PRKCB: variants seen among roughly 807,000 people sequenced by gnomAD.
PRKCB encodes the protein protein kinase C beta type.
Under a neutral mutation model 81.5 loss-of-function variants are expected in PRKCB, and 13 were observed. That is an observed-to-expected ratio of 0.16 (90% CI 0.10 to 0.25). The LOEUF is 0.25. PRKCB is among the 10% of genes least tolerant of loss of function. The pLI is 1.00. For missense variants in PRKCB, 509 were observed against 875.7 expected (o/e 0.58, Z 5.29); for synonymous variants, 335 against 321.4 (o/e 1.04, Z -0.45).
intron 2 of PRKCB, among the ~76,000 whole-genome samples, chr16:23,901,381 G>C (rs1177857360): frequency 6.6e-6 from 1 of 152,096 alleles, no homozygotes; most frequent in Non-Finnish European, 1.5e-5. Context: ...CCTGCTGCTT[G>C]ATTGGGAGTA....
intron 16 of PRKCB, among the ~76,000 whole-genome samples, chr16:24,194,049 G>C (rs1249408757): frequency 1.3e-5 from 2 of 152,096 alleles, no homozygotes; most frequent in Non-Finnish European, 2.9e-5. Context: ...AATTTTGGCT[G>C]GGTATAGTGG....
intron 2 of PRKCB, among the ~76,000 whole-genome samples, chr16:23,867,550 A>G (rs544902346): frequency 6.6e-6 from 1 of 152,300 alleles, no homozygotes; most frequent in South Asian, 2.1e-4. Flanking sequence ...TTTTTATTTC[A>G]ATCTACTAGA....
intron 2 of PRKCB, among the ~76,000 whole-genome samples, chr16:23,844,591 T>C (rs1294945387): frequency 6.6e-6 from 1 of 151,626 alleles, no homozygotes; most frequent in Non-Finnish European, 1.5e-5. Context: ...AACTGCAAGC[T>C]CCACCTCCCA....
At chr16:24,156,360 G>A (rs150886162) in intron 10 of PRKCB, among the ~76,000 whole-genome samples, 8 of 151,722 alleles carry the variant, frequency 5.3e-5, no homozygotes, top group Non-Finnish European at 8.8e-5. Context: ...CTGCAGCCTC[G>A]ATCTCCCATG....
chr16:24,129,723 A>G (rs1326395207), intron 9 of PRKCB, among the ~76,000 whole-genome samples: 3 of 151,984 alleles, frequency 2.0e-5, no homozygotes, highest in Non-Finnish European at 4.4e-5. Context: ...TCAATCAATC[A>G]ATCATCTATC....
intron 2 of PRKCB, among the ~76,000 whole-genome samples, chr16:23,854,022 T>A (rs1390312440): frequency 7.1e-6 from 1 of 140,420 alleles, no homozygotes; most frequent in African/African-American, 2.5e-5. Context: ...GAACTGCCCT[T>A]TATAAAACCA....
chr16:23,970,697 G>A (rs1317402129), intron 2 of PRKCB, among the ~76,000 whole-genome samples: 1 of 152,190 alleles, frequency 6.6e-6, no homozygotes, highest in Non-Finnish European at 1.5e-5. Context: ...GTTGTTGAGA[G>A]GTTTAGAGAT....
chr16:23,882,056 T>TCCTTCCTTCCTTC (rs1379883857), intron 2 of PRKCB, among the ~76,000 whole-genome samples: 1 of 90,602 alleles, frequency 1.1e-5, no homozygotes, highest in African/African-American at 3.8e-5. Flanking sequence ...CTTCCTTCCT[T>TCCTTCCTTCCTTC]CTTCCTTTCC....
At chr16:24,141,810 A>G (rs1369698037) in intron 9 of PRKCB, among the ~76,000 whole-genome samples, 1 of 152,220 alleles carries the variant, frequency 6.6e-6, no homozygotes, top group Non-Finnish European at 1.5e-5. Context: ...CACAGACAGT[A>G]TGACCTTGCC....
At position 23,875,810 on chromosome 16, in the gene PRKCB, CAT is replaced by C. The variant is rs10664787; in HGVS notation, c.205+38415_205+38416del. Among the ~76,000 whole-genome samples, 3 of 62,062 alleles carry C rather than the reference CAT, an allele frequency of 4.8e-5. 1 individual carries two copies. The highest frequency in any genetic ancestry group is 6.1e-5 in the Non-Finnish European group (2 of 32,588). 40.7% of individuals were successfully genotyped at this position (62,062 alleles called of 152,430 possible). A position where few individuals can be genotyped will look rare whatever the true frequency, so the allele number is the denominator to read the frequency against. On this transcript the variant is annotated intron_variant, in intron 2 of 16. Transcript: ENST00000643927. ...ATATCACACATATATGTGTGTATAT[CAT>C]ATATATATATGCATGACCCATATTT...
chr16:24,096,171 G>A (rs142454489), intron 7 of PRKCB, among the ~76,000 whole-genome samples: 2,358 of 152,134 alleles, frequency 0.015, 25 homozygotes, highest in Non-Finnish European at 0.023. Context: ...TGGCATGTGA[G>A]GATCACTTGA....
chr16:23,930,166 G>A (rs1376432936), intron 2 of PRKCB, among the ~76,000 whole-genome samples: 1 of 152,110 alleles, frequency 6.6e-6, no homozygotes, highest in Admixed American at 6.5e-5. Flanking sequence ...TGTCAGGATT[G>A]GAGGCAGATG....
At chr16:23,969,419 T>C (rs1469303483) in intron 2 of PRKCB, among the ~76,000 whole-genome samples, 1 of 152,152 alleles carries the variant, frequency 6.6e-6, no homozygotes, top group African/African-American at 2.4e-5. Flanking sequence ...AATAATGTTT[T>C]TGAGACTCAC....
intron 2 of PRKCB, among the ~76,000 whole-genome samples, chr16:23,859,129 C>T (rs1203588733): frequency 1.3e-5 from 2 of 152,164 alleles, no homozygotes; most frequent in Non-Finnish European, 2.9e-5. Context: ...GAGACCCTCT[C>T]TCTAAACAAA....
intron 5 of PRKCB, among the ~76,000 whole-genome samples, chr16:24,046,266 A>G (rs889297462): frequency 2.6e-5 from 4 of 152,136 alleles, no homozygotes; most frequent in Non-Finnish European, 5.9e-5. Flanking sequence ...TGGGCTTTGG[A>G]GTCAGGCCTG....
chr16:24,136,528 G>T (rs1966865330), intron 9 of PRKCB, among the ~76,000 whole-genome samples: 1 of 152,096 alleles, frequency 6.6e-6, no homozygotes, highest in Non-Finnish European at 1.5e-5. Context: ...CCTGCTTCTC[G>T]ATGACATCTC....
chr16:24,026,059 G>A (rs1051913272), intron 3 of PRKCB, among the ~76,000 whole-genome samples: 7 of 152,206 alleles, frequency 4.6e-5, no homozygotes, highest in Non-Finnish European at 8.8e-5. Context: ...TACTTTGCAA[G>A]GCTGAGGCAG....
intron 5 of PRKCB, among the ~76,000 whole-genome samples, chr16:24,070,146 G>T (rs541518540): frequency 1.3e-3 from 186 of 144,522 alleles, no homozygotes; most frequent in African/African-American, 5.0e-3. Flanking sequence ...GAAACCAGGG[G>T]ATTTTTTTTT....
At chr16:24,185,308 C>T (rs944497311) in intron 14 of PRKCB, 117 bp downstream of exon 14, 54 of 1,230,666 alleles carry the variant, frequency 4.4e-5, no homozygotes, top group South Asian at 1.9e-4. Context: ...ATGACTTTCC[C>T]GGCCTTGGGG....
Sources: allele counts gnomAD v4.1 joint callset (sites outside exome capture counted in the v4.1 genomes callset), GRCh38; gene constraint gnomAD v4.1.1; transcripts MANE v1.5; gene names NCBI Gene and HGNC (gene_info 2026-07-23, HGNC 2026-07-21).